Variants in ATAD2 observed in about 807,000 individuals in gnomAD.
ATAD2 encodes the protein ATPase family AAA domain-containing protein 2.
ATAD2 carries 62 observed loss-of-function variants against 168.9 expected under a neutral mutation model. The ratio of observed to expected loss-of-function variants is 0.37; its 90% CI spans 0.30 to 0.45. The LOEUF is 0.45. Ranked by LOEUF, ATAD2 falls within the 20% of genes least tolerant of loss-of-function variation. The probability of loss-of-function intolerance (pLI) is 1.00; values close to 1 mark genes in which losing one functional copy is unlikely to be tolerated. For synonymous variants in ATAD2, 613 were observed against 571.6 expected, an observed-to-expected ratio of 1.07 and a Z score of -1.03; for missense variants, 1,419 against 1,667.8, an observed-to-expected ratio of 0.85 and a Z score of 2.60.
At chr8:123,341,489 T>C (rs1170204638) in intron 19 of ATAD2, among the ~76,000 whole-genome samples, 3 of 152,224 alleles carry the variant, frequency 2.0e-5, no homozygotes, top group African/African-American at 7.2e-5. Flanking sequence ...TTTTCCACTG[T>C]GTTAATCAGA....
chr8:123,338,129 G>C (rs1486389314), intron 20 of ATAD2, among the ~76,000 whole-genome samples: 2 of 152,122 alleles, frequency 1.3e-5, no homozygotes, highest in Non-Finnish European at 2.9e-5. Context: ...GGCCGAGGTG[G>C]GTGGATCACC....
chr8:123,410,636 C>T (rs555451688), intron 1 of ATAD2, among the ~76,000 whole-genome samples: 6 of 152,284 alleles, frequency 3.9e-5, no homozygotes, highest in African/African-American at 1.2e-4. Context: ...AATTCCTGGG[C>T]AACCCCCTTT....
At chr8:123,401,342 A>G, upstream of ATAD2, 3 of 1,405,368 alleles carry the variant, frequency 2.1e-6, no homozygotes, top group Non-Finnish European at 3.0e-6. Context: ...GAGGATGACA[A>G]ATACCGCCTG....
intron 22 of ATAD2, 110 bp from the exon 23 acceptor site, chr8:123,334,432 T>G (rs1164750162): frequency 1.9e-6 from 2 of 1,062,178 alleles, no homozygotes; most frequent in Non-Finnish European, 1.3e-6. Context: ...TCCTTTTGAC[T>G]TTTACCAAGA....
At chr8:123,359,937 G>A (rs1223829735) in intron 9 of ATAD2, among the ~76,000 whole-genome samples, 5 of 151,908 alleles carry the variant, frequency 3.3e-5, no homozygotes, top group Admixed American at 1.3e-4. Flanking sequence ...GATGCCACAG[G>A]CACCATAAAG....
chr8:123,351,288 C>T (rs1052383571), intron 13 of ATAD2, among the ~76,000 whole-genome samples: 5 of 152,050 alleles, frequency 3.3e-5, no homozygotes, highest in African/African-American at 4.8e-5. Context: ...ATAAAGGTTT[C>T]CCAAATTAGC....
At chr8:123,334,082 T>A in intron 23 of ATAD2, 61 bp from the exon 24 acceptor site, 1 of 1,578,288 alleles carries the variant, frequency 6.3e-7, no homozygotes, top group Non-Finnish European at 8.6e-7. Context: ...ACATGAAGGA[T>A]TAACTAAAAG....
chr8:123,415,825 C>T (rs1176826528), intron 1 of ATAD2, among the ~76,000 whole-genome samples: 1 of 152,168 alleles, frequency 6.6e-6, no homozygotes, highest in Non-Finnish European at 1.5e-5. Context: ...GAACCCCTGA[C>T]CTCGTGATCC....
intron 10 of ATAD2, 68 bp from the exon 11 acceptor site, chr8:123,359,404 T>TTTTATG: frequency 1.6e-6 from 2 of 1,275,530 alleles, no homozygotes; most frequent in Non-Finnish European, 2.2e-6. Context: ...CCCCACACCA[T>TTTTATG]ACACAGTCAA....
intron 1 of ATAD2, among the ~76,000 whole-genome samples, chr8:123,391,075 C>A (rs2129948478): frequency 6.6e-6 from 1 of 150,426 alleles, no homozygotes; most frequent in South Asian, 2.1e-4. Flanking sequence ...TTAAAAAAAA[C>A]ACCCTACTAT....
chr8:123,410,579 C>A (rs1396592721), intron 1 of ATAD2, among the ~76,000 whole-genome samples: 6 of 152,186 alleles, frequency 3.9e-5, no homozygotes, highest in South Asian at 4.1e-4. Flanking sequence ...AGCCACCATG[C>A]CCAGCCTATA....
At chr8:123,337,916 T>C (rs1827961919) in intron 20 of ATAD2, 95 bp from the exon 21 acceptor site, 1 of 1,177,760 alleles carries the variant, frequency 8.5e-7, no homozygotes. Flanking sequence ...TGAGGGATTA[T>C]CTTCCTCATA....
chr8:123,361,425 G>A (rs756068397), intron 9 of ATAD2, 114 bp downstream of exon 9: 5 of 708,602 alleles, frequency 7.1e-6, no homozygotes, highest in Non-Finnish European at 1.2e-5. Flanking sequence ...ACATTAACCT[G>A]TTGTGCAACT....
chr8:123,380,612 T>C lies in ATAD2; in HGVS notation c.237A>G (p.Lys79=), dbSNP rs377724460. The C allele has an allele frequency of 2.0e-4, 324 of 1,614,120 alleles. 1 individual carries two copies. The Middle Eastern group carries it at 2.1e-3, about 11-fold the overall frequency. ...TAGAATCTGAAGAATTCTGTGCATC[T>C]TTTCTCAAAGATCTTAAAGCACGTG... ...HRTRALRSLR[K]DAQNSSDSSF... The change falls in exon 2 of 28, where the codon AAA becomes AAG. Residue 79 remains lysine, a synonymous_variant. Transcript: ENST00000287394.
intron 2 of ATAD2, among the ~76,000 whole-genome samples, 177 bp from the exon 3 acceptor site, chr8:123,372,863 G>C (rs547079971): frequency 6.7e-6 from 1 of 149,476 alleles, no homozygotes; most frequent in East Asian, 2.0e-4. Context: ...CCAGTAGGTA[G>C]AACTACACAC....
rs560515628 is a variant in ATAD2, at chr8:123,347,856, A to T, written c.1897+327T>A. Among the ~76,000 whole-genome samples the T allele has an allele frequency of 2.6e-5, 4 of 152,304 alleles. No individual in the cohort carries two copies. The East Asian group carries it at 7.7e-4, about 29-fold the overall frequency. Reference sequence around the variant, plus strand: ...TTAAAAGGATGACTACAAAATGGTCAGTAAAGAATAGCTATTATCTTATTA... The same window carrying T: ...TTAAAAGGATGACTACAAAATGGTCTGTAAAGAATAGCTATTATCTTATTA... On this transcript the variant is annotated intron_variant, in intron 15 of 27. Coordinates refer to ENST00000287394, the MANE Select transcript of ATAD2 (RefSeq NM_014109.4).
At chr8:123,332,927 T>C (rs1235102453) in intron 24 of ATAD2, among the ~76,000 whole-genome samples, 1 of 152,138 alleles carries the variant, frequency 6.6e-6, no homozygotes, top group African/African-American at 2.4e-5. Context: ...TCTTCTCTTA[T>C]CTTTCCTTTC....
chr8:123,347,206 C>T lies in ATAD2; in HGVS notation c.2098G>A (p.Ala700Thr). Residue 700 changes from alanine (A) to threonine (T), a missense_variant, in exon 16 of 28, where the codon GCA becomes ACA. By Grantham distance (58) the Ala-to-Thr change is moderately conservative. Coordinates refer to ENST00000287394, the MANE Select transcript of ATAD2 (RefSeq NM_014109.4). ...AGTGGTTTCACAACGGTGGACAGTG[C>T]CTGCCCAGGTGATGTCACAGCTCTT... ...SQRAVTSPGQ[A>T]LSTVVKPLLQ... 1 of 1,614,114 alleles carries T rather than the reference C, an allele frequency of 6.2e-7. No homozygotes were observed. The highest frequency in any genetic ancestry group is 1.1e-5 in the South Asian group (1 of 91,088).
chr8:123,355,212 G>A (rs1313801056), intron 13 of ATAD2, among the ~76,000 whole-genome samples: 1 of 152,050 alleles, frequency 6.6e-6, no homozygotes, highest in Non-Finnish European at 1.5e-5. Context: ...AAGGCCATTA[G>A]AATATAGCAA....
Sources: allele counts gnomAD v4.1 joint callset (sites outside exome capture counted in the v4.1 genomes callset), GRCh38; gene constraint gnomAD v4.1.1; transcripts MANE v1.5; gene names NCBI Gene and HGNC (gene_info 2026-07-23, HGNC 2026-07-21).